Variants in NAALADL2 observed in about 807,000 individuals in gnomAD.
NAALADL2 encodes the protein N-acetylated alpha-linked acidic dipeptidase like 2.
Under a neutral mutation model 87.2 loss-of-function variants are expected in NAALADL2, and 76 were observed. The observed-to-expected ratio is 0.87, with a 90% CI of 0.72 to 1.05. The LOEUF is 1.05. NAALADL2 is among the 50% of genes least tolerant of loss of function. The pLI is 0.00. For missense variants in NAALADL2, 1,089 were observed against 945.8 expected, an observed-to-expected ratio of 1.15 and a Z score of -1.99; for synonymous variants, 354 against 331.0, an observed-to-expected ratio of 1.07 and a Z score of -0.75.
chr3:175,365,742 C>A (rs1231532545), intron 5 of NAALADL2, among the ~76,000 whole-genome samples: 1 of 147,178 alleles, frequency 6.8e-6, no homozygotes, highest in African/African-American at 2.5e-5. Flanking sequence ...ACATGCTTAA[C>A]ATTAATTATG....
intron 9 of NAALADL2, among the ~76,000 whole-genome samples, chr3:175,532,937 G>C (rs1216221773): frequency 6.6e-6 from 1 of 152,156 alleles, no homozygotes; most frequent in Non-Finnish European, 1.5e-5. Context: ...GAGTAGGTCT[G>C]AAGTGACTAA....
At chr3:174,633,517 G>A (rs746090309) in intron 2 of NAALADL2, among the ~76,000 whole-genome samples, 25 of 152,282 alleles carry the variant, frequency 1.6e-4, no homozygotes, top group Middle Eastern at 6.8e-3. Flanking sequence ...AGTAGTGTAT[G>A]AGGCAATAAA....
chr3:175,455,443 T>C (rs911127144), intron 6 of NAALADL2, among the ~76,000 whole-genome samples: 3 of 152,000 alleles, frequency 2.0e-5, no homozygotes, highest in South Asian at 2.1e-4. Flanking sequence ...TGAGAAAAAA[T>C]TGTCAATTTT....
chr3:174,527,807 G>A (rs1720898001), intron 1 of NAALADL2, among the ~76,000 whole-genome samples: 1 of 152,086 alleles, frequency 6.6e-6, no homozygotes, highest in Admixed American at 6.6e-5. Flanking sequence ...TGGGATTTCA[G>A]GGGTTATCTA....
chr3:174,754,315 A>G (rs1711699010), intron 3 of NAALADL2, among the ~76,000 whole-genome samples: 1 of 152,222 alleles, frequency 6.6e-6, no homozygotes, highest in African/African-American at 2.4e-5. Flanking sequence ...ATGAATTTGT[A>G]AAATGTAATG....
intron 1 of NAALADL2, among the ~76,000 whole-genome samples, chr3:175,083,829 T>C (rs1180547672): frequency 6.6e-6 from 1 of 152,238 alleles, no homozygotes; most frequent in Non-Finnish European, 1.5e-5. Context: ...AATTCTATAC[T>C]TTCTTTAAGA....
intron 4 of NAALADL2, among the ~76,000 whole-genome samples, chr3:175,280,276 TAAATGTTTCCTAGTTTTTTA>T (rs1364968188): frequency 6.6e-6 from 1 of 152,110 alleles, no homozygotes; most frequent in African/African-American, 2.4e-5. Flanking sequence ...ACCTTTGATT[TAAATGTTTCCTAGTTTTTTA>T]AAATAAAGTC....
At chr3:174,823,901 A>T (rs1721701230) in intron 3 of NAALADL2, among the ~76,000 whole-genome samples, 1 of 152,090 alleles carries the variant, frequency 6.6e-6, no homozygotes, top group Non-Finnish European at 1.5e-5. Context: ...AGTAGATACG[A>T]GATTTCACTA....
intron 13 of NAALADL2, among the ~76,000 whole-genome samples, chr3:175,801,000 C>CAGAGT (rs769562199): frequency 5.3e-5 from 8 of 152,134 alleles, no homozygotes; most frequent in Non-Finnish European, 1.0e-4. Context: ...TTAATCCCTA[C>CAGAGT]AGAGTATGTG....
At chr3:175,749,426 T>G (rs984778453) in intron 12 of NAALADL2, among the ~76,000 whole-genome samples, 18 of 152,120 alleles carry the variant, frequency 1.2e-4, no homozygotes, top group African/African-American at 4.3e-4. Flanking sequence ...GTTCTGGAGG[T>G]TTGGAAGTCT....
intron 3 of NAALADL2, among the ~76,000 whole-genome samples, chr3:175,251,718 T>C (rs1329775241): frequency 6.6e-6 from 1 of 152,198 alleles, no homozygotes; most frequent in Non-Finnish European, 1.5e-5. Context: ...CCTCAAAAAA[T>C]TCAATGTGCT....
intron 11 of NAALADL2, among the ~76,000 whole-genome samples, chr3:175,650,057 C>CAAA (rs11458935): frequency 0.028 from 3,331 of 120,308 alleles, 142 homozygotes; most frequent in African/African-American, 0.084. Context: ...AACCCCACAC[C>CAAA]AAAAAAAAAA....
At chr3:175,308,620 A>G (rs1757986704) in intron 4 of NAALADL2, among the ~76,000 whole-genome samples, 1 of 152,224 alleles carries the variant, frequency 6.6e-6, no homozygotes, top group Non-Finnish European at 1.5e-5. Context: ...ATCTCTTTAA[A>G]TAATATCTAG....
intron 11 of NAALADL2, among the ~76,000 whole-genome samples, chr3:175,694,153 G>A (rs1168740676): frequency 6.6e-6 from 1 of 152,050 alleles, no homozygotes; most frequent in African/African-American, 2.4e-5. Flanking sequence ...TACAACGTCA[G>A]AATATGGTTA....
At chr3:175,295,718 A>ACACACACACACACAC (rs1553851707) in intron 4 of NAALADL2, among the ~76,000 whole-genome samples, 25 of 143,768 alleles carry the variant, frequency 1.7e-4, no homozygotes, top group East Asian at 8.5e-4. Flanking sequence ...CATGCACACA[A>ACACACACACACACAC]ACACACACAC....
At chr3:175,229,057 G>A (rs62285898) in intron 2 of NAALADL2, among the ~76,000 whole-genome samples, 24,057 of 151,668 alleles carry the variant, frequency 0.16, 2,230 homozygotes, top group Admixed American at 0.24. Flanking sequence ...CGGAATTTCT[G>A]ACAAAATTTA....
At chr3:174,803,512 G>C (rs1408536210) in intron 3 of NAALADL2, among the ~76,000 whole-genome samples, 1 of 152,054 alleles carries the variant, frequency 6.6e-6, no homozygotes, top group Non-Finnish European at 1.5e-5. Context: ...GGCTTTTGTT[G>C]CTTTTGGTGT....
intron 2 of NAALADL2, among the ~76,000 whole-genome samples, chr3:175,215,089 T>A (rs910681196): frequency 1.2e-4 from 18 of 152,142 alleles, no homozygotes; most frequent in African/African-American, 4.1e-4. Flanking sequence ...CTACAAGTAG[T>A]AAAATCACCA....
intron 10 of NAALADL2, among the ~76,000 whole-genome samples, chr3:175,599,308 G>C (rs13434312): frequency 0.023 from 3,557 of 152,046 alleles, 108 homozygotes; most frequent in Admixed American, 0.068. Context: ...TCAGTTTCTT[G>C]ACAAAGGTTA....
Sources: allele counts gnomAD v4.1 joint callset (sites outside exome capture counted in the v4.1 genomes callset), GRCh38; gene constraint gnomAD v4.1.1; transcripts MANE v1.5; gene names NCBI Gene and HGNC (gene_info 2026-07-23, HGNC 2026-07-21).